PMM2: variants seen among roughly 807,000 people sequenced by gnomAD.
PMM2 encodes the protein phosphomannomutase 2.
In PMM2, 35 loss-of-function variants were observed where a neutral mutation model predicts 33.2. That is an observed-to-expected ratio of 1.06 (90% confidence interval 0.81 to 1.40). The LOEUF (loss-of-function observed/expected upper bound fraction) is 1.40. Ranked by LOEUF, PMM2 falls within the 40% of genes most tolerant of loss-of-function variation. The pLI is 0.00. For missense variants in PMM2, 386 were observed against 306.0 expected (o/e 1.26, Z -1.95); for synonymous variants, 153 against 114.7 (o/e 1.33, Z -2.13).
At chr16:8,806,767 A>G (rs1273200743) in intron 4 of PMM2, 2 of 309,302 alleles carry the variant, frequency 6.5e-6, no homozygotes, top group African/African-American at 4.3e-5. Context: ...ACATGATGGA[A>G]ATTTATACAA....
At chr16:8,801,137 T>G (rs903357592) in intron 1 of PMM2, among the ~76,000 whole-genome samples, 2 of 152,172 alleles carry the variant, frequency 1.3e-5, no homozygotes, top group Non-Finnish European at 2.9e-5. Context: ...AAAACCAAAG[T>G]CCCTGCACAG....
chr16:8,817,964 C>T (rs180704482), intron 7 of PMM2, among the ~76,000 whole-genome samples: 98 of 146,748 alleles, frequency 6.7e-4, no homozygotes, highest in Non-Finnish European at 1.1e-3. Context: ...AGTGCAGTGG[C>T]GTGATCTCGG....
At chr16:8,799,616 C>T (rs1035843780) in intron 1 of PMM2, among the ~76,000 whole-genome samples, 1 of 151,892 alleles carries the variant, frequency 6.6e-6, no homozygotes, top group Non-Finnish European at 1.5e-5. Flanking sequence ...GGCCCAATCT[C>T]AGTTCACTGC....
chr16:8,829,654 C>T lies in PMM2; in HGVS notation c.639+16548C>T, dbSNP rs866721489. 3.3e-5 allele frequency among the ~76,000 whole-genome samples: 5 copies of T among 152,280 alleles called. No individual in the cohort carries two copies. In the South Asian group the frequency reaches 1.0e-3, roughly 32 times the overall value. On this transcript the variant is annotated intron_variant, in intron 7 of 7. Coordinates refer to ENST00000268261, the MANE Select transcript of PMM2 (RefSeq NM_000303.3). ...GAAGGGACGCCTTCCACCGGGAATT[C>T]AAAGGATGGTCTCTGAGCCAGATGG...
At chr16:8,833,669 GA>G (rs552982634) in intron 7 of PMM2, among the ~76,000 whole-genome samples, 94 of 151,204 alleles carry the variant, frequency 6.2e-4, no homozygotes, top group African/African-American at 2.2e-3. Flanking sequence ...ATATTGTGGG[GA>G]TGTTAGAAGA....
chr16:8,801,161 TTA>T (rs2060614102), intron 1 of PMM2, among the ~76,000 whole-genome samples: 1 of 152,180 alleles, frequency 6.6e-6, no homozygotes, highest in Non-Finnish European at 1.5e-5. Context: ...ATGATTCCAT[TTA>T]TGTTTCAAAA....
At chr16:8,798,274 T>G (rs1773035317) in intron 1 of PMM2, among the ~76,000 whole-genome samples, 2 of 152,278 alleles carry the variant, frequency 1.3e-5, no homozygotes, top group African/African-American at 4.8e-5. Flanking sequence ...TCAGGCCCCC[T>G]TATCAGCTAT....
chr16:8,821,973 C>G (rs1411561183), intron 7 of PMM2, among the ~76,000 whole-genome samples: 1 of 152,198 alleles, frequency 6.6e-6, no homozygotes, highest in East Asian at 1.9e-4. Context: ...TTCTCCTTGC[C>G]CACTGCCTAG....
chr16:8,810,765 CAG>C (rs1491481475), intron 4 of PMM2: 4 of 386,822 alleles, frequency 1.0e-5, no homozygotes, highest in African/African-American at 6.2e-5. Context: ...TTTGTAGAGA[CAG>C]AGTTTCGCCA....
At chr16:8,829,169 C>T (rs1476537577) in intron 7 of PMM2, 3 of 152,160 alleles carry the variant, frequency 2.0e-5, no homozygotes, top group East Asian at 3.9e-4. Context: ...AGTCTAGGCT[C>T]ATAAGATTTT....
chr16:8,843,544 C>G (rs550584567), intron 7 of PMM2, among the ~76,000 whole-genome samples: 67 of 152,166 alleles, frequency 4.4e-4, no homozygotes, highest in African/African-American at 1.6e-3. Flanking sequence ...GCACGTGTAG[C>G]AAGCTCCTGG....
At chr16:8,827,847 TA>T (rs1214223058) in intron 7 of PMM2, among the ~76,000 whole-genome samples, 50 of 70,532 alleles carry the variant, frequency 7.1e-4, no homozygotes, top group African/African-American at 1.8e-3. Flanking sequence ...GTATAATATA[TA>T]ATATATATGT....
At chr16:8,802,189 A>T in intron 2 of PMM2, 1 of 474,244 alleles carries the variant, frequency 2.1e-6, no homozygotes, top group Non-Finnish European at 4.2e-6. Context: ...TGCCTGGAAT[A>T]CTTCTTGCTT....
At chr16:8,833,562 C>T (rs975921221) in intron 7 of PMM2, among the ~76,000 whole-genome samples, 4 of 151,200 alleles carry the variant, frequency 2.6e-5, no homozygotes, top group Non-Finnish European at 5.9e-5. Flanking sequence ...AGAGAATGGA[C>T]GATGTTTCTC....
At chr16:8,809,771 C>T (rs975199302) in intron 4 of PMM2, 4 of 150,382 alleles carry the variant, frequency 2.7e-5, no homozygotes, top group Non-Finnish European at 4.5e-5. Context: ...AACTGGAAAC[C>T]GTGGAAAAAA....
intron 7 of PMM2, among the ~76,000 whole-genome samples, chr16:8,831,970 G>A (rs960917022): frequency 6.6e-6 from 1 of 152,168 alleles, no homozygotes. Flanking sequence ...TGGAGCTTGG[G>A]AGGTGGCTGA....
intron 6 of PMM2, 133 bp from the exon 7 acceptor site, chr16:8,812,858 T>C (rs2060685106): frequency 8.4e-6 from 6 of 712,158 alleles, no homozygotes. Flanking sequence ...GTAGTCTAAG[T>C]AGCAAACTAG....
intron 7 of PMM2, among the ~76,000 whole-genome samples, chr16:8,826,504 A>G (rs2060769136): frequency 6.6e-6 from 1 of 152,200 alleles, no homozygotes; most frequent in African/African-American, 2.4e-5. Context: ...CACAGAAGCC[A>G]CTTATGACCT....
At chr16:8,847,377 T>TGGA (rs2060933539) in intron 7 of PMM2, among the ~76,000 whole-genome samples, 1 of 140,812 alleles carries the variant, frequency 7.1e-6, no homozygotes, top group Non-Finnish European at 1.5e-5. Flanking sequence ...TAGGTACAGC[T>TGGA]AAAAAAAAAA....
Sources: allele counts gnomAD v4.1 joint callset (sites outside exome capture counted in the v4.1 genomes callset), GRCh38; gene constraint gnomAD v4.1.1; transcripts MANE v1.5; gene names NCBI Gene and HGNC (gene_info 2026-07-23, HGNC 2026-07-21).